The following CILK1 variants were observed in gnomAD, a reference collection of about 807,000 sequenced individuals.
CILK1 encodes the protein serine/threonine-protein kinase ICK.
In CILK1, 47 loss-of-function variants were observed where a neutral mutation model predicts 79.2. The ratio of observed to expected loss-of-function variants is 0.59; its 90% CI spans 0.47 to 0.76. The LOEUF (loss-of-function observed/expected upper bound fraction) is 0.76. Among genes scored for constraint, CILK1 ranks in the 30% least tolerant of loss-of-function variants. The probability of loss-of-function intolerance (pLI) is 0.00; values close to 1 mark genes in which losing one functional copy is unlikely to be tolerated. For synonymous variants in CILK1, 266 were observed against 275.9 expected (o/e 0.96, Z 0.36); for missense variants, 660 against 769.5 (o/e 0.86, Z 1.68).
rs972083250 is a variant in CILK1, at chr6:53,004,515, C to T, written c.*634G>A. On this transcript the variant is annotated 3_prime_UTR_variant, in exon 14 of 14. Coordinates refer to ENST00000676107, the MANE Select transcript of CILK1 (RefSeq NM_014920.5). ...ACTTAGAGTTCTTTCATCTGGGGAA[C>T]AAAAGTAAAACAAAGTGAATTATAT... The T allele has an allele frequency of 6.6e-6, 1 of 152,196 alleles. No individual in the cohort carries two copies. Among genetic ancestry groups the T allele is most frequent in the Admixed American group, 6.6e-5 (1 of 15,256 alleles). The allele number at this position is 152,196 out of a possible 1,614,324, so 9.4% of individuals were successfully genotyped here. A position where few individuals can be genotyped will look rare whatever the true frequency, so the allele number is the denominator to read the frequency against.
intron 12 of CILK1, among the ~76,000 whole-genome samples, chr6:53,007,697 AGG>A (rs1363085683): frequency 1.3e-4 from 20 of 151,936 alleles, no homozygotes; most frequent in South Asian, 4.2e-4. Flanking sequence ...TGGGAGACCC[AGG>A]CGGGTGGATC....
At position 53,004,787 on chromosome 6, in the gene CILK1, T is replaced by C. The variant is rs546947324; in HGVS notation, c.*362A>G. 289 of 216,892 alleles carry C rather than the reference T, an allele frequency of 1.3e-3. 2 individuals are homozygous for C. Among genetic ancestry groups the C allele is most frequent in the Middle Eastern group, 3.9e-3 (2 of 510 alleles). 13.4% of individuals were successfully genotyped at this position (216,892 alleles called of 1,614,324 possible). A position where few individuals can be genotyped will look rare whatever the true frequency, so the allele number is the denominator to read the frequency against. ...TAATATTATTACATTTTTCAAAATC[T>C]GTAGAAAATATTATCTGGAACCCCA... is the stretch of plus-strand genomic sequence containing the variant. On this transcript the variant is annotated 3_prime_UTR_variant, in exon 14 of 14. Transcript: ENST00000676107.
At position 53,006,416 on chromosome 6, in the gene CILK1, G is replaced by T; in HGVS notation, c.1643C>A (p.Ser548Tyr). The T allele has an allele frequency of 1.2e-6, 2 of 1,613,892 alleles. No homozygotes were observed. The highest frequency in any genetic ancestry group is 2.2e-5 in the South Asian group (2 of 91,070). ...VNSVGSSSTS[S>Y]SGLTGNYVPS... ...GACATAGTTTCCAGTCAGTCCACTAGAACTTGTAGAGCTGGAACCAACTGA... is the reference window on the plus strand; with the variant it reads ...GACATAGTTTCCAGTCAGTCCACTATAACTTGTAGAGCTGGAACCAACTGA... The change falls in exon 13 of 14, where the codon TCT becomes TAT. Residue 548 changes from serine to tyrosine, a missense_variant. Ser to Tyr is a moderately radical substitution (Grantham distance 144). Coordinates refer to ENST00000676107, the MANE Select transcript of CILK1 (RefSeq NM_014920.5).
intron 3 of CILK1, among the ~76,000 whole-genome samples, chr6:53,035,002 T>G (rs1039083157): frequency 6.6e-6 from 1 of 152,144 alleles, no homozygotes; most frequent in Non-Finnish European, 1.5e-5. Context: ...CAACCTAGTT[T>G]GGTTCTGAGG....
intron 5 of CILK1, among the ~76,000 whole-genome samples, chr6:53,027,035 C>T (rs1765624359): frequency 2.0e-5 from 3 of 152,184 alleles, no homozygotes; most frequent in Non-Finnish European, 4.4e-5. Context: ...ATGGAAATAA[C>T]CAGAGAATCT....
intron 1 of CILK1, among the ~76,000 whole-genome samples, chr6:53,051,260 CAAAA>C (rs796541550): frequency 6.6e-6 from 1 of 152,174 alleles, no homozygotes; most frequent in South Asian, 2.1e-4. Context: ...GTATAAATAA[CAAAA>C]AAAATTTTTT....
intron 11 of CILK1, 60 bp downstream of exon 11, chr6:53,011,709 T>G (rs971953373): frequency 6.0e-6 from 9 of 1,505,400 alleles, no homozygotes; most frequent in Non-Finnish European, 8.3e-6. Context: ...TGTGAATATG[T>G]GATTCCAAGG....
intron 5 of CILK1, among the ~76,000 whole-genome samples, chr6:53,021,666 G>A (rs115937842): frequency 1.8e-3 from 272 of 152,010 alleles, no homozygotes; most frequent in African/African-American, 6.3e-3. Flanking sequence ...ACTGCATAAC[G>A]AAGTTTCAAT....
At position 53,009,426 on chromosome 6, in the gene CILK1, G is replaced by A; in HGVS notation, c.1621+13C>T. On this transcript the variant is annotated intron_variant, in intron 12 of 13. Transcript: ENST00000676107. ...TGCTTTTTGCCATTTAGGGGTTAATGATCATTACTCACCTGAATTTACTTT... is the reference window on the plus strand; with the variant it reads ...TGCTTTTTGCCATTTAGGGGTTAATAATCATTACTCACCTGAATTTACTTT... The A allele has an allele frequency of 1.2e-6, 2 of 1,613,786 alleles. No homozygotes were observed. The highest frequency in any genetic ancestry group is 1.7e-6 in the Non-Finnish European group (2 of 1,179,686).
chr6:53,060,285 C>T (rs1768326126), intron 1 of CILK1, among the ~76,000 whole-genome samples: 1 of 152,120 alleles, frequency 6.6e-6, no homozygotes, highest in Admixed American at 6.5e-5. Context: ...TGATTAAATG[C>T]TGAGTTCCCT....
chr6:53,051,551 A>C (rs933185412), intron 1 of CILK1, among the ~76,000 whole-genome samples: 1 of 151,816 alleles, frequency 6.6e-6, no homozygotes, highest in African/African-American at 2.4e-5. Flanking sequence ...CTATGATCAC[A>C]TTTTCTTGTC....
rs139615682 is a variant in CILK1 at position 53,012,135 on chromosome 6, T to C, written c.1245A>G (p.Ser415=). 33 of 1,614,100 alleles carry C rather than the reference T, an allele frequency of 2.0e-5. No homozygotes were observed. The highest frequency in any genetic ancestry group is 2.7e-5 in the Non-Finnish European group (32 of 1,180,022). The part of the protein sequence containing the change: ...WGLISRSTKD[S]DDWADLDDLD... Reference sequence around the variant, plus strand: ...AGTCATCCAAGTCAGCCCAATCATCTGAATCCTTTGTTGACCTGGAAATAA... The same window carrying C: ...AGTCATCCAAGTCAGCCCAATCATCCGAATCCTTTGTTGACCTGGAAATAA... Residue 415 remains serine, a synonymous_variant, in exon 10 of 14, where the codon TCA becomes TCG. Coordinates refer to ENST00000676107, the MANE Select transcript of CILK1 (RefSeq NM_014920.5).
chr6:53,050,328 T>C (rs1363487801), intron 1 of CILK1, among the ~76,000 whole-genome samples: 5 of 152,020 alleles, frequency 3.3e-5, no homozygotes, highest in African/African-American at 7.2e-5. Flanking sequence ...ACTCCACAAG[T>C]AGAAGACCGT....
At chr6:53,008,628 G>A (rs974262137) in intron 12 of CILK1, among the ~76,000 whole-genome samples, 1 of 151,866 alleles carries the variant, frequency 6.6e-6, no homozygotes, top group Non-Finnish European at 1.5e-5. Flanking sequence ...GTTTTACCAT[G>A]TTGGCCAGGC....
chr6:53,028,146 C>CAAAA (rs59053012), intron 5 of CILK1, among the ~76,000 whole-genome samples: 1 of 63,450 alleles, frequency 1.6e-5, no homozygotes, highest in African/African-American at 5.7e-5. Context: ...GACTCCGTCT[C>CAAAA]AAAAAAAAAA....
At chr6:53,034,834 T>C (rs1410122077) in intron 3 of CILK1, among the ~76,000 whole-genome samples, 1 of 151,544 alleles carries the variant, frequency 6.6e-6, no homozygotes, top group African/African-American at 2.4e-5. Flanking sequence ...AAACCCTGAG[T>C]GGTCAGTGGG....
At chr6:53,016,355 C>T in intron 7 of CILK1, 105 bp from the exon 8 acceptor site, 2 of 1,060,344 alleles carry the variant, frequency 1.9e-6, no homozygotes, top group East Asian at 2.5e-5. Flanking sequence ...TGTCATTACC[C>T]ACCCACATTC....
intron 1 of CILK1, among the ~76,000 whole-genome samples, chr6:53,051,114 C>CTA (rs1767453091): frequency 6.6e-6 from 1 of 152,120 alleles, no homozygotes; most frequent in Non-Finnish European, 1.5e-5. Flanking sequence ...GATGAGAGTG[C>CTA]TACCAGTGCA....
At chr6:53,051,765 T>G (rs1358977020) in intron 1 of CILK1, among the ~76,000 whole-genome samples, 1 of 152,204 alleles carries the variant, frequency 6.6e-6, no homozygotes, top group African/African-American at 2.4e-5. Flanking sequence ...ATTTAGCCTA[T>G]CACTCCCTAG....
Sources: allele counts gnomAD v4.1 joint callset (sites outside exome capture counted in the v4.1 genomes callset), GRCh38; gene constraint gnomAD v4.1.1; transcripts MANE v1.5; gene names NCBI Gene and HGNC (gene_info 2026-07-23, HGNC 2026-07-21).